Variants in YBX3 observed in about 807,000 individuals in gnomAD.
The protein encoded by YBX3 is Y-box-binding protein 3.
In YBX3, 29 loss-of-function variants were observed where a neutral mutation model predicts 42.4. The observed-to-expected ratio is 0.68, with a 90% CI of 0.51 to 0.93. The LOEUF (loss-of-function observed/expected upper bound fraction) is 0.93. Among genes scored for constraint, YBX3 ranks in the 40% least tolerant of loss-of-function variants. YBX3 has a pLI of 0.00. For synonymous variants in YBX3, 195 were observed against 189.8 expected, an observed-to-expected ratio of 1.03 and a Z score of -0.22; for missense variants, 517 against 527.5, an observed-to-expected ratio of 0.98 and a Z score of 0.19.
chr12:10,704,054 CG>C lies in YBX3; in HGVS notation c.874del (p.Arg292ValfsTer96), dbSNP rs755332920. 6.2e-7 allele frequency: 1 copy of C among 1,614,068 alleles called. No homozygotes were observed. The highest frequency in any genetic ancestry group is 8.5e-7 in the Non-Finnish European group (1 of 1,179,974). ...HRNPTYRPRY[R>X]SRGPPRPRPA... ...ATTAGTGGAAAATGCGACATACCTA[CG>C]GTACCTTGGGCGGTAAGTTGGATTT... On this transcript the variant is annotated frameshift_variant, in exon 7 of 10. Coordinates refer to ENST00000228251, the MANE Select transcript of YBX3 (RefSeq NM_003651.5). LOFTEE classifies it high-confidence loss of function.
intron 1 of YBX3, 67 bp from the exon 2 acceptor site, chr12:10,719,210 A>C (rs569262495): frequency 3.1e-5 from 42 of 1,342,690 alleles, no homozygotes; most frequent in Admixed American, 9.4e-5. Context: ...TATCACTAAG[A>C]TCTTGATAAC....
At chr12:10,715,624 TGATA>T (rs904878092) in intron 4 of YBX3, 66 bp downstream of exon 4, 11 of 1,329,660 alleles carry the variant, frequency 8.3e-6, no homozygotes, top group Admixed American at 1.7e-5. Context: ...CATAAGGGGC[TGATA>T]GATAATTTAT....
chr12:10,713,073 C>T (rs1055857983), intron 5 of YBX3, 138 bp downstream of exon 5: 1 of 1,179,584 alleles, frequency 8.5e-7, no homozygotes, highest in South Asian at 2.0e-5. Context: ...TAAAAATTTC[C>T]TCTAAAGAAA....
intron 5 of YBX3, chr12:10,710,653 C>A: frequency 9.0e-7 from 1 of 1,110,898 alleles, no homozygotes; most frequent in Non-Finnish European, 1.2e-6. Context: ...ATGCTATTTG[C>A]CTTTCCCAGG....
At chr12:10,714,873 C>A (rs1427963953) in intron 4 of YBX3, among the ~76,000 whole-genome samples, 1 of 151,986 alleles carries the variant, frequency 6.6e-6, no homozygotes, top group Admixed American at 6.5e-5. Flanking sequence ...CCTGCCTCAG[C>A]CTCCTGAGTA....
rs79490055 is a variant in YBX3 at position 10,714,075 on chromosome 12, T to C, written c.451-742A>G. 2.4e-3 allele frequency among the ~76,000 whole-genome samples: 369 copies of C among 152,314 alleles called. 4 individuals carry two copies. Among genetic ancestry groups the C allele is most frequent in the African/African-American group, 8.4e-3 (351 of 41,566 alleles). ...TCAACCCAAAACAATTTTTTAAAAA[T>C]TGGATGGGATATCAGAGATCCTCAC... On this transcript the variant is annotated intron_variant, in intron 4 of 9. Transcript: ENST00000228251.
chr12:10,699,599 A>C lies in YBX3; in HGVS notation c.*90T>G, dbSNP rs1334010840. On this transcript the variant is annotated 3_prime_UTR_variant, in exon 10 of 10. Transcript: ENST00000228251. The stretch of plus-strand genomic sequence containing the variant: ...TTGGATGTTTCTTTGGTGTTGGTTA[A>C]GGTTGTGGCCTGCTTTTTGCTTTAT... 6.6e-6 allele frequency: 1 copy of C among 152,594 alleles called. No individual in the cohort carries two copies. The highest frequency in any genetic ancestry group is 1.9e-4 in the East Asian group (1 of 5,200). 9.5% of individuals were successfully genotyped at this position (152,594 alleles called of 1,614,324 possible).
intron 1 of YBX3, among the ~76,000 whole-genome samples, chr12:10,719,791 T>C (rs1948304789): frequency 6.6e-6 from 1 of 152,214 alleles, no homozygotes. Context: ...TACCTTGCTC[T>C]CTACAGTTTT....
chr12:10,702,036 C>T lies in YBX3; in HGVS notation c.977G>A (p.Arg326His), dbSNP rs774014204. The change falls in exon 8 of 10, where the codon CGC becomes CAC. Residue 326 changes from arginine (R) to histidine (H), a missense_variant. Arg to His is a conservative substitution (Grantham distance 29). Transcript: ENST00000228251. ...ATSGPNQPSV[R>H]RGYRRPYNYR... ...ATTGTAGGGACGCCGGTATCCACGG[C>T]GAACAGACGGCTGGTTTGGACCACT... 4.3e-6 allele frequency: 7 copies of T among 1,613,930 alleles called. No homozygotes were observed. The highest frequency in any genetic ancestry group is 2.7e-5 in the African/African-American group (2 of 74,886).
intron 3 of YBX3, chr12:10,717,742 A>G (rs1262351782): frequency 5.9e-6 from 1 of 169,180 alleles, no homozygotes; most frequent in Non-Finnish European, 1.3e-5. Flanking sequence ...GCTCCAGGCA[A>G]ACACTAAGGA....
rs919398130 is a variant in YBX3 at position 10,722,707 on chromosome 12, G to C, written c.262+143C>G. 6.5e-6 allele frequency: 5 copies of C among 766,756 alleles called. No individual in the cohort carries two copies. In the African/African-American group the frequency reaches 7.3e-5, roughly 11 times the overall value. 47.5% of individuals were successfully genotyped at this position (766,756 alleles called of 1,614,324 possible). A position where few individuals can be genotyped will look rare whatever the true frequency, so the allele number is the denominator to read the frequency against. ...AGCGCTGGGGACCCGGAGACCCCTG[G>C]GGACCCGGAGATCCCTGGGGACCCT... On this transcript the variant is annotated intron_variant, in intron 1 of 9. Transcript: ENST00000228251.
rs776166169 is a variant in YBX3, at chr12:10,719,126, T to G, written c.280A>C (p.Thr94Pro). 6.2e-7 allele frequency: 1 copy of G among 1,613,622 alleles called. No homozygotes were observed. Among genetic ancestry groups the G allele is most frequent in the Non-Finnish European group, 8.5e-7 (1 of 1,179,712 alleles). Reference sequence around the variant, plus strand: ...TTTCTGACGTTGAACCATTTGACAGTGCCAAGGACTTTGGTGGCTAAAATA... The same window carrying G: ...TTTCTGACGTTGAACCATTTGACAGGGCCAAGGACTTTGGTGGCTAAAATA... ...KKVLATKVLG[T>P]VKWFNVRNGY... The change falls in exon 2 of 10, where the codon ACT becomes CCT. Residue 94 changes from threonine (T) to proline (P), a missense_variant. Transcript: ENST00000228251.
At chr12:10,710,323 A>G in intron 5 of YBX3, 1 of 1,438,048 alleles carries the variant, frequency 7.0e-7, no homozygotes, top group Non-Finnish European at 9.1e-7. Context: ...TGCAGATAAA[A>G]TACCAAGAAG....
intron 3 of YBX3, among the ~76,000 whole-genome samples, chr12:10,717,537 C>T (rs113493065): frequency 2.6e-5 from 4 of 152,324 alleles, no homozygotes; most frequent in Non-Finnish European, 1.5e-5. Context: ...CCTCTATTTC[C>T]TGCAAATCTA....
At chr12:10,715,820 T>A in intron 3 of YBX3, 37 bp from the exon 4 acceptor site, 1 of 1,554,522 alleles carries the variant, frequency 6.4e-7, no homozygotes, top group Non-Finnish European at 8.9e-7. Context: ...CGATGTATAT[T>A]TCAATATTGG....
intron 7 of YBX3, 114 bp downstream of exon 7, chr12:10,703,937 G>T: frequency 3.1e-6 from 3 of 968,648 alleles, no homozygotes; most frequent in Non-Finnish European, 4.7e-6. Flanking sequence ...TGTAGTCAAA[G>T]CATTCACATC....
chr12:10,709,938 T>A lies in YBX3; in HGVS notation c.750A>T (p.Ser250=). Residue 250 remains serine, a synonymous_variant, in exon 6 of 10, where the codon TCA becomes TCT. Transcript: ENST00000228251. ...TTCTGTTGGGATGGGGTAAGACCCG[T>A]GAGCGACGGTCAAAGGTCTGTCCCA... ...YHVGQTFDRR[S]RVLPHPNRIQ... 1 of 1,614,170 alleles carries A rather than the reference T, an allele frequency of 6.2e-7. No homozygotes were observed. The highest frequency in any genetic ancestry group is 8.5e-7 in the Non-Finnish European group (1 of 1,180,036).
intron 3 of YBX3, 140 bp downstream of exon 3, chr12:10,717,948 G>A (rs1948281059): frequency 3.3e-6 from 2 of 607,292 alleles, no homozygotes; most frequent in Admixed American, 3.5e-5. Context: ...ATGTGGAACT[G>A]AACTCCTGTT....
chr12:10,719,029 G>A, intron 2 of YBX3, 51 bp downstream of exon 2: 1 of 1,548,836 alleles, frequency 6.5e-7, no homozygotes, highest in Non-Finnish European at 8.9e-7. Context: ...AACTCCTGGT[G>A]CCACAATGTA....
Sources: gnomAD v4.1 joint callset for allele counts (sites outside exome capture counted in the v4.1 genomes callset) on GRCh38, gnomAD v4.1.1 for gene constraint, MANE v1.5 for transcripts, NCBI Gene and HGNC (gene_info 2026-07-23, HGNC 2026-07-21) for gene names.